Variants in LDB2 observed in about 807,000 individuals in gnomAD.
The protein encoded by LDB2 is LIM domain binding 2.
In LDB2, 12 loss-of-function variants were observed where a neutral mutation model predicts 44.3. That is an observed-to-expected ratio of 0.27 (90% CI 0.17 to 0.44). The LOEUF is 0.44. Ranked by LOEUF, LDB2 falls within the 20% of genes least tolerant of loss-of-function variation. The pLI, the probability that LDB2 is intolerant of heterozygous loss-of-function variation, is 1.00. For missense variants in LDB2, 344 were observed against 473.5 expected (o/e 0.73, Z 2.54); for synonymous variants, 164 against 174.8 (o/e 0.94, Z 0.49).
At chr4:16,746,310 G>A (rs934623110) in intron 2 of LDB2, among the ~76,000 whole-genome samples, 4 of 152,136 alleles carry the variant, frequency 2.6e-5, no homozygotes, top group African/African-American at 7.2e-5. Context: ...AACCAACTAC[G>A]TGTCTGACTC....
At chr4:16,767,615 C>A (rs1013070205) in intron 1 of LDB2, among the ~76,000 whole-genome samples, 3 of 152,202 alleles carry the variant, frequency 2.0e-5, no homozygotes, top group African/African-American at 7.2e-5. Context: ...AAAGTGAATT[C>A]TTTTCCCCAA....
intron 7 of LDB2, 73 bp downstream of exon 7, chr4:16,508,462 G>A: frequency 3.3e-6 from 4 of 1,199,858 alleles, no homozygotes; most frequent in South Asian, 2.4e-5. Context: ...AATGAAAAGA[G>A]ACTTTAATTT....
intron 1 of LDB2, among the ~76,000 whole-genome samples, chr4:16,772,493 G>T (rs1396958927): frequency 1.3e-5 from 2 of 152,138 alleles, no homozygotes; most frequent in Non-Finnish European, 2.9e-5. Context: ...TTCAGAGCTG[G>T]CACAGCCCAG....
At chr4:16,822,707 G>T (rs572019509) in intron 1 of LDB2, among the ~76,000 whole-genome samples, 174 of 151,974 alleles carry the variant, frequency 1.1e-3, no homozygotes, top group South Asian at 7.5e-3. Context: ...GTAGACACAG[G>T]GTTTCACCAT....
At chr4:16,711,720 T>C (rs890828249) in intron 2 of LDB2, among the ~76,000 whole-genome samples, 4 of 152,280 alleles carry the variant, frequency 2.6e-5, no homozygotes, top group African/African-American at 9.6e-5. Context: ...AAAGACAGTA[T>C]GGTTCCAACA....
At chr4:16,719,275 G>A (rs1211552858) in intron 2 of LDB2, among the ~76,000 whole-genome samples, 1 of 152,046 alleles carries the variant, frequency 6.6e-6, no homozygotes. Flanking sequence ...TAATTTAGCA[G>A]AAAACATAAC....
At chr4:16,536,388 A>C (rs528226862) in intron 5 of LDB2, among the ~76,000 whole-genome samples, 1 of 152,272 alleles carries the variant, frequency 6.6e-6, no homozygotes, top group South Asian at 2.1e-4. Context: ...ACCCCAGCCA[A>C]GTCACCTTCC....
At chr4:16,514,084 T>A (rs1722780089) in intron 5 of LDB2, among the ~76,000 whole-genome samples, 1 of 152,168 alleles carries the variant, frequency 6.6e-6, no homozygotes, top group African/African-American at 2.4e-5. Context: ...TGCGTTTCCC[T>A]ATTCAGTTAT....
chr4:16,555,889 G>T (rs1382988278), intron 5 of LDB2, among the ~76,000 whole-genome samples: 2 of 152,088 alleles, frequency 1.3e-5, no homozygotes. Context: ...TCAATCTCGC[G>T]TTACTCTCCC....
chr4:16,703,406 G>A (rs528499882), intron 2 of LDB2, among the ~76,000 whole-genome samples: 1 of 152,312 alleles, frequency 6.6e-6, no homozygotes, highest in East Asian at 1.9e-4. Flanking sequence ...GAGCTTCCTG[G>A]GGGAGAATGA....
At chr4:16,654,220 C>G (rs1739103836) in intron 2 of LDB2, among the ~76,000 whole-genome samples, 1 of 152,094 alleles carries the variant, frequency 6.6e-6, no homozygotes, top group Non-Finnish European at 1.5e-5. Flanking sequence ...CAGGAACTTC[C>G]CTGACACTCT....
At chr4:16,702,912 T>A (rs1753792756) in intron 2 of LDB2, among the ~76,000 whole-genome samples, 2 of 152,282 alleles carry the variant, frequency 1.3e-5, no homozygotes, top group African/African-American at 4.8e-5. Context: ...TCTACCCTCA[T>A]CCATGCCCCA....
At chr4:16,895,120 TAAAAAAAA>T (rs71181199) in intron 1 of LDB2, among the ~76,000 whole-genome samples, 4 of 124,676 alleles carry the variant, frequency 3.2e-5, no homozygotes, top group African/African-American at 1.2e-4. Context: ...TTTTTCATGC[TAAAAAAAA>T]AAAAAAAAAG....
At chr4:16,695,187 C>G (rs764995256) in intron 2 of LDB2, among the ~76,000 whole-genome samples, 1 of 152,244 alleles carries the variant, frequency 6.6e-6, no homozygotes, top group East Asian at 1.9e-4. Flanking sequence ...TTTCTAGGTA[C>G]GGTACCTACA....
intron 2 of LDB2, among the ~76,000 whole-genome samples, chr4:16,604,481 A>G (rs1723398702): frequency 6.7e-6 from 1 of 149,572 alleles, no homozygotes; most frequent in Non-Finnish European, 1.5e-5. Context: ...ATATATTCTT[A>G]TATATATATA....
chr4:16,510,200 C>T (rs948314505), intron 6 of LDB2, among the ~76,000 whole-genome samples: 3 of 152,220 alleles, frequency 2.0e-5, no homozygotes, highest in Non-Finnish European at 2.9e-5. Flanking sequence ...TCCTCTAAGG[C>T]TCATTTCAAA....
At chr4:16,784,934 C>A (rs929217417) in intron 1 of LDB2, among the ~76,000 whole-genome samples, 1 of 152,038 alleles carries the variant, frequency 6.6e-6, no homozygotes, top group Non-Finnish European at 1.5e-5. Context: ...CTCTGCCACC[C>A]TTAAATACCC....
At chr4:16,834,265 G>A (rs1184403673) in intron 1 of LDB2, among the ~76,000 whole-genome samples, 2 of 152,184 alleles carry the variant, frequency 1.3e-5, no homozygotes. Context: ...AACTTTGCAA[G>A]GGGTCACAAG....
At chr4:16,540,312 C>A (rs1733330955) in intron 5 of LDB2, among the ~76,000 whole-genome samples, 1 of 152,082 alleles carries the variant, frequency 6.6e-6, no homozygotes, top group South Asian at 2.1e-4. Flanking sequence ...GATACTGCAA[C>A]CTTGGACATC....
Sources: gnomAD v4.1 joint callset for allele counts (sites outside exome capture counted in the v4.1 genomes callset) on GRCh38, gnomAD v4.1.1 for gene constraint, MANE v1.5 for transcripts, NCBI Gene and HGNC (gene_info 2026-07-23, HGNC 2026-07-21) for gene names.